CTR9: variants seen among roughly 807,000 people sequenced by gnomAD.
The protein encoded by CTR9 is RNA polymerase-associated protein CTR9 homolog.
A neutral mutation model predicts 152.1 loss-of-function variants in CTR9; 41 were observed. The ratio of observed to expected loss-of-function variants is 0.27; its 90% confidence interval spans 0.21 to 0.35. The LOEUF is 0.35. Among genes scored for constraint, CTR9 ranks in the 10% least tolerant of loss-of-function variants. CTR9 has a pLI of 1.00. For missense variants in CTR9, 917 were observed against 1,424.4 expected, an observed-to-expected ratio of 0.64 and a Z score of 5.73; for synonymous variants, 476 against 496.2, an observed-to-expected ratio of 0.96 and a Z score of 0.54.
At chr11:10,754,410 GT>G (rs1208026576) in intron 2 of CTR9, among the ~76,000 whole-genome samples, 2 of 152,094 alleles carry the variant, frequency 1.3e-5, no homozygotes, top group South Asian at 2.1e-4. Flanking sequence ...TTTTTAAACA[GT>G]TTTATTAAAG....
intron 1 of CTR9, 110 bp downstream of exon 1, chr11:10,751,567 C>G (rs1862802342): frequency 9.2e-7 from 1 of 1,081,606 alleles, no homozygotes; most frequent in Non-Finnish European, 1.4e-6. Context: ...CCCTAAGAGC[C>G]CTGATCGAAA....
At chr11:10,766,323 G>T (rs953492672) in intron 12 of CTR9, 79 bp from the exon 13 acceptor site, 18 of 1,119,182 alleles carry the variant, frequency 1.6e-5, no homozygotes, top group Non-Finnish European at 1.7e-5. Flanking sequence ...AAAAAAAATT[G>T]TTTCAAAAGT....
chr11:10,768,142 G>A lies in CTR9; in HGVS notation c.1941G>A (p.Leu647=), dbSNP rs749690536. 3 of 1,613,912 alleles carry A rather than the reference G, an allele frequency of 1.9e-6. No individual in the cohort carries two copies. The highest frequency in any genetic ancestry group is 2.5e-6 in the Non-Finnish European group (3 of 1,179,922). ...KQVLRNDAKN[L]YAANGIGAVL... ...TACTCAGAAATGATGCAAAGAATCTGTATGCTGCCAATGGCATAGGTGATT... is the reference window on the plus strand; with the variant it reads ...TACTCAGAAATGATGCAAAGAATCTATATGCTGCCAATGGCATAGGTGATT... Residue 647 remains leucine, a synonymous_variant, in exon 15 of 25, where the codon CTG becomes CTA. Transcript: ENST00000361367.
Position 10,774,186 on chromosome 11 carries a change from T to C in CTR9, c.2885+17T>C. The C allele has an allele frequency of 6.2e-7, 1 of 1,600,986 alleles. No homozygotes were observed. Among genetic ancestry groups the C allele is most frequent in the Non-Finnish European group, 8.5e-7 (1 of 1,175,458 alleles). On this transcript the variant is annotated intron_variant, in intron 22 of 24. Coordinates refer to ENST00000361367, the MANE Select transcript of CTR9 (RefSeq NM_014633.5). ...GAGGAGAAGGTAATGTCATCATTAATGTGCTTTAAGTAACCTCATAAAAGT... is the reference window on the plus strand; with the variant it reads ...GAGGAGAAGGTAATGTCATCATTAACGTGCTTTAAGTAACCTCATAAAAGT...
In CTR9 at chr11:10,760,245, G is replaced by T. The variant is rs1342933083; in HGVS notation, c.665G>T (p.Ser222Ile). 2 of 1,614,102 alleles carry T rather than the reference G, an allele frequency of 1.2e-6. No homozygotes were observed. Among genetic ancestry groups the T allele is most frequent in the Non-Finnish European group, 1.7e-6 (2 of 1,179,970 alleles). ...CTGGAAAAAGCTCGTCTGGCATTCA[G>T]CAGAGCCCTGGAACTCAATTCCAAA... is the stretch of plus-strand genomic sequence containing the variant. ...NKLEKARLAF[S>I]RALELNSKCV... The change falls in exon 6 of 25, where the codon AGC (serine) becomes ATC (isoleucine). Residue 222 changes from serine (S) to isoleucine (I), a missense_variant. Physicochemically the swap from Ser to Ile is moderately radical, Grantham distance 142. This residue lies in a region of CTR9 where 110 missense variants were observed against 149.5 expected (regional missense o/e 0.74). Transcript: ENST00000361367.
chr11:10,774,104 T>C lies in CTR9; in HGVS notation c.2820T>C (p.Gly940=), dbSNP rs746166934. ...PISKKKKRRK[G]SGSEQEGEDE... ...CCAAAAAGAAGAAGAGAAGAAAGGG[T>C]AGTGGCAGTGAACAAGAAGGTGAAG... The change falls in exon 22 of 25, where the codon GGT becomes GGC. Residue 940 remains glycine, a synonymous_variant. Transcript: ENST00000361367. 1 of 1,606,976 alleles carries C rather than the reference T, an allele frequency of 6.2e-7. No homozygotes were observed. Among genetic ancestry groups the C allele is most frequent in the South Asian group, 1.1e-5 (1 of 90,936 alleles).
Position 10,751,349 on chromosome 11 carries a change from TG to T in CTR9, c.-63del. On this transcript the variant is annotated 5_prime_UTR_variant, in exon 1 of 25. Transcript: ENST00000361367. Reference sequence around the variant, plus strand: ...GCCGTCACTCACCTCTGGATTAGCCTGAAGCGGAGACTACCGGCTGCGGAGC... The same window carrying T: ...GCCGTCACTCACCTCTGGATTAGCCTAAGCGGAGACTACCGGCTGCGGAGC... 3 of 1,566,994 alleles carry T rather than the reference TG, an allele frequency of 1.9e-6. No individual in the cohort carries two copies. The highest frequency in any genetic ancestry group is 2.6e-6 in the Non-Finnish European group (3 of 1,139,638).
chr11:10,767,666 A>AAAAG lies in CTR9; in HGVS notation c.1687-128_1687-125dup, dbSNP rs200086979. On this transcript the variant is annotated intron_variant, in intron 13 of 24. Coordinates refer to ENST00000361367, the MANE Select transcript of CTR9 (RefSeq NM_014633.5). The surrounding 1 kb of genome is among the most constrained non-coding windows in gnomAD (Gnocchi z 4.0). ...AAATTTGGATTGCCATGCAAAAAAA[A>AAAAG]AAAGAAAGAAAGAAAAGAAAGAAAA... 5 of 789,478 alleles carry AAAAG rather than the reference A, an allele frequency of 6.3e-6. No homozygotes were observed. The African/African-American group carries it at 8.7e-5, about 14-fold the overall frequency. The allele number at this position is 789,478 out of a possible 1,614,324, so 48.9% of individuals were successfully genotyped here. A position where few individuals can be genotyped will look rare whatever the true frequency, so the allele number is the denominator to read the frequency against.
In CTR9 at chr11:10,764,239, G is replaced by T. The variant is rs974459190; in HGVS notation, c.1284+38G>T. 9 of 1,613,266 alleles carry T rather than the reference G, an allele frequency of 5.6e-6. No individual in the cohort carries two copies. In the African/African-American group the frequency reaches 9.3e-5, roughly 17 times the overall value. On this transcript the variant is annotated intron_variant, in intron 10 of 24. Coordinates refer to ENST00000361367, the MANE Select transcript of CTR9 (RefSeq NM_014633.5). ...TGTTTTTTAATCTCTCATATGATGTGTTTTTTGTAAGCCTGGTGTAGTGTC... is the reference window on the plus strand; with the variant it reads ...TGTTTTTTAATCTCTCATATGATGTTTTTTTTGTAAGCCTGGTGTAGTGTC...
At chr11:10,762,621 C>A (rs1375708544) in intron 7 of CTR9, among the ~76,000 whole-genome samples, 1 of 152,152 alleles carries the variant, frequency 6.6e-6, no homozygotes, top group Non-Finnish European at 1.5e-5. Context: ...AACAAGGAGT[C>A]ACTGACATTT....
intron 15 of CTR9, 31 bp from the exon 16 acceptor site, chr11:10,768,312 T>C: frequency 5.0e-6 from 8 of 1,594,248 alleles, no homozygotes; most frequent in Non-Finnish European, 6.8e-6. Flanking sequence ...AATTAGAAAA[T>C]TGTTAAGTGT....
chr11:10,766,577 T>G, intron 13 of CTR9, 87 bp downstream of exon 13: 4 of 902,264 alleles, frequency 4.4e-6, no homozygotes, highest in Non-Finnish European at 5.0e-6. Flanking sequence ...AATGGCTACA[T>G]CTTCCTGGTT....
Position 10,763,474 on chromosome 11 carries a change from A to G in CTR9, c.893A>G (p.Asn298Ser). The change falls in exon 8 of 25, where the codon AAT becomes AGT. Residue 298 changes from asparagine (N) to serine (S), a missense_variant. Around this residue, in one of 9 missense-constraint regions of CTR9, gnomAD observed 16 missense variants for 67.4 expected, o/e 0.24. Coordinates refer to ENST00000361367, the MANE Select transcript of CTR9 (RefSeq NM_014633.5). ...CATCTGGCCCTCCATGCATTCCATAATACAGAAGTGGAAGCTATGCAAGCA... is the reference window on the plus strand; with the variant it reads ...CATCTGGCCCTCCATGCATTCCATAGTACAGAAGTGGAAGCTATGCAAGCA... Reference protein sequence around the residue: ...VQHLALHAFHNTEVEAMQAES... With the variant: ...VQHLALHAFHSTEVEAMQAES... 1 of 1,612,576 alleles carries G rather than the reference A, an allele frequency of 6.2e-7. No individual in the cohort carries two copies. Among genetic ancestry groups the G allele is most frequent in the East Asian group, 2.2e-5 (1 of 44,752 alleles).
intron 16 of CTR9, 22 bp from the exon 17 acceptor site, chr11:10,770,188 T>C: frequency 6.6e-7 from 1 of 1,507,530 alleles, no homozygotes; most frequent in South Asian, 1.2e-5. Context: ...GTGTTTTAAT[T>C]AACTTTTTTC....
Position 10,768,365 on chromosome 11 carries a change from A to G in CTR9, c.1983A>G (p.Gly661=), listed in dbSNP as rs1226254272. The part of the protein sequence containing the change: ...NGIGAVLAHK[G]YFREARDVFA... ...TAGGAGCTGTTTTGGCCCACAAAGG[A>G]TATTTTCGTGAAGCTCGTGATGTAT... Residue 661 remains glycine, a synonymous_variant, in exon 16 of 25, where the codon GGA becomes GGG. Transcript: ENST00000361367. 6.2e-7 allele frequency: 1 copy of G among 1,613,690 alleles called. No individual in the cohort carries two copies. The highest frequency in any genetic ancestry group is 8.5e-7 in the Non-Finnish European group (1 of 1,179,904).
chr11:10,755,761 C>G lies in CTR9; in HGVS notation c.468C>G (p.Leu156=), dbSNP rs571689461. Residue 156 remains leucine, a synonymous_variant, in exon 4 of 25, where the codon CTC becomes CTG. Transcript: ENST00000361367. Reference sequence around the variant, plus strand: ...CTGATGCACAGTTTCATTTTGTACTCAATCAGTCTCCAAATAATATTCCAG... The same window carrying G: ...CTGATGCACAGTTTCATTTTGTACTGAATCAGTCTCCAAATAATATTCCAG... The part of the protein sequence containing the change: ...DQADAQFHFV[L]NQSPNNIPAL... 7.4e-6 allele frequency: 12 copies of G among 1,612,558 alleles called. No individual in the cohort carries two copies. In the South Asian group the frequency reaches 1.2e-4, roughly 16 times the overall value.
intron 19 of CTR9, 62 bp downstream of exon 19, chr11:10,771,678 A>G: frequency 8.4e-7 from 1 of 1,196,146 alleles, no homozygotes; most frequent in Non-Finnish European, 1.3e-6. Flanking sequence ...ATGGGCTGGG[A>G]AAGTGCCACA....
chr11:10,773,316 TC>T (rs746074896), intron 21 of CTR9, 43 bp downstream of exon 21: 2 of 1,590,146 alleles, frequency 1.3e-6, no homozygotes, highest in Admixed American at 1.9e-5. Context: ...TCATTCTCTG[TC>T]TTTTGGCTTT....
intron 1 of CTR9, 149 bp from the exon 2 acceptor site, chr11:10,752,523 T>A: frequency 1.7e-6 from 1 of 596,706 alleles, no homozygotes. Context: ...CATGTGCTCC[T>A]TAAACATTAA....
Sources: gnomAD v4.1 joint callset for allele counts (sites outside exome capture counted in the v4.1 genomes callset) on GRCh38, gnomAD v4.1.1 for gene constraint, gnomAD v4.1.1 regional missense constraint, Gnocchi (gnomAD v3.1) non-coding constraint, MANE v1.5 for transcripts, NCBI Gene and HGNC (gene_info 2026-07-23, HGNC 2026-07-21) for gene names.